The following MAGI2 variants were observed in gnomAD, a reference collection of about 807,000 sequenced individuals.
MAGI2 encodes the protein membrane associated guanylate kinase, WW and PDZ domain containing 2, also known as membrane-associated guanylate kinase, WW and PDZ domain-containing protein 2.
MAGI2 carries 35 observed loss-of-function variants against 133.3 expected under a neutral mutation model. That is an observed-to-expected ratio of 0.26 (90% CI 0.20 to 0.35). MAGI2 has a LOEUF of 0.35. Among genes scored for constraint, MAGI2 ranks in the 10% least tolerant of loss-of-function variants. MAGI2 has a pLI of 1.00. For synonymous variants in MAGI2, 729 were observed against 710.6 expected (o/e 1.03, Z -0.41); for missense variants, 1,636 against 1,863.4 (o/e 0.88, Z 2.25).
chr7:78,272,002 T>C (rs1469230158), intron 9 of MAGI2, among the ~76,000 whole-genome samples: 1 of 152,140 alleles, frequency 6.6e-6, no homozygotes, highest in South Asian at 2.1e-4. Context: ...AGTTTGTATG[T>C]TCTTGCTTCT....
At chr7:78,594,380 G>A (rs780418021) in intron 3 of MAGI2, among the ~76,000 whole-genome samples, 2 of 152,234 alleles carry the variant, frequency 1.3e-5, no homozygotes, top group Admixed American at 1.3e-4. Flanking sequence ...AGGCTGGAAT[G>A]TAACAAAAGC....
intron 1 of MAGI2, among the ~76,000 whole-genome samples, chr7:79,228,341 T>C (rs1831041128): frequency 9.3e-5 from 1 of 10,804 alleles, no homozygotes; most frequent in Non-Finnish European, 3.3e-4. Context: ...AGACCCTGTC[T>C]CAAAAAAACA....
chr7:78,747,247 C>T (rs199901580), intron 2 of MAGI2, among the ~76,000 whole-genome samples: 3 of 152,082 alleles, frequency 2.0e-5, no homozygotes, highest in South Asian at 2.1e-4. Context: ...TTAAATAATG[C>T]GGTTTTATAT....
At chr7:79,319,192 G>T (rs920593775) in intron 1 of MAGI2, among the ~76,000 whole-genome samples, 3 of 152,090 alleles carry the variant, frequency 2.0e-5, no homozygotes, top group Admixed American at 2.0e-4. Flanking sequence ...AGTTTGGGAT[G>T]TTTGCCACCA....
intron 2 of MAGI2, among the ~76,000 whole-genome samples, chr7:78,893,294 T>A (rs1264305457): frequency 5.9e-5 from 9 of 152,170 alleles, no homozygotes; most frequent in Non-Finnish European, 1.2e-4. Context: ...ACTGTAAACT[T>A]GTTCAGCCAT....
chr7:79,157,477 C>G (rs1375214579), intron 1 of MAGI2, among the ~76,000 whole-genome samples: 2 of 151,232 alleles, frequency 1.3e-5, no homozygotes, highest in African/African-American at 2.4e-5. Flanking sequence ...AATGGTGACA[C>G]ACTATGGAGT....
At chr7:79,330,212 T>TTA (rs71095396) in intron 1 of MAGI2, among the ~76,000 whole-genome samples, 1 of 115,210 alleles carries the variant, frequency 8.7e-6, no homozygotes, top group Non-Finnish European at 1.7e-5. Context: ...TTTTTTTTTT[T>TTA]AGAAGGAGTC....
chr7:79,430,461 T>C (rs1045113384), intron 1 of MAGI2, among the ~76,000 whole-genome samples: 14 of 152,200 alleles, frequency 9.2e-5, no homozygotes, highest in Non-Finnish European at 8.8e-5. Flanking sequence ...TACTTAGTAA[T>C]AGAGAAAAAA....
intron 6 of MAGI2, among the ~76,000 whole-genome samples, chr7:78,444,052 A>C (rs17352456): frequency 0.11 from 14,870 of 141,354 alleles, 759 homozygotes; most frequent in African/African-American, 0.15. Flanking sequence ...GGATGAAAAA[A>C]AATGGCCCAC....
At chr7:79,395,265 C>T (rs924343934) in intron 1 of MAGI2, among the ~76,000 whole-genome samples, 5 of 152,170 alleles carry the variant, frequency 3.3e-5, no homozygotes, top group South Asian at 2.1e-4. Flanking sequence ...AAACAGAAAC[C>T]ATGTAATTAT....
chr7:78,968,922 T>C (rs539792556), intron 2 of MAGI2, among the ~76,000 whole-genome samples: 1 of 152,178 alleles, frequency 6.6e-6, no homozygotes, highest in East Asian at 1.9e-4. Context: ...AGTAAAAGAA[T>C]CCTTGGTGGA....
At chr7:78,046,798 G>T (rs1435916061) in intron 21 of MAGI2, among the ~76,000 whole-genome samples, 1 of 152,096 alleles carries the variant, frequency 6.6e-6, no homozygotes, top group Admixed American at 6.5e-5. Context: ...AATTAAAAAA[G>T]ATAATGACTT....
intron 2 of MAGI2, among the ~76,000 whole-genome samples, chr7:78,768,482 T>C (rs1825247528): frequency 6.6e-6 from 1 of 152,206 alleles, no homozygotes; most frequent in South Asian, 2.1e-4. Context: ...GTCTTAGCTT[T>C]ATCAAAATTA....
chr7:78,526,336 G>C (rs4470960), intron 3 of MAGI2, among the ~76,000 whole-genome samples: 21,967 of 152,178 alleles, frequency 0.14, 2,514 homozygotes, highest in African/African-American at 0.32. Flanking sequence ...TTTCCATCCA[G>C]TCCTTTAAAA....
At chr7:78,955,710 T>C (rs1802251516) in intron 2 of MAGI2, among the ~76,000 whole-genome samples, 1 of 125,096 alleles carries the variant, frequency 8.0e-6, no homozygotes, top group South Asian at 2.7e-4. Flanking sequence ...CCTTTCTTTC[T>C]TTTTCTTTCT....
chr7:78,677,779 C>A (rs1015413323), intron 2 of MAGI2, among the ~76,000 whole-genome samples: 1 of 152,048 alleles, frequency 6.6e-6, no homozygotes, highest in East Asian at 1.9e-4. Flanking sequence ...AACAACATGG[C>A]GTCCAGTGAT....
chr7:78,902,220 C>T (rs1016716655), intron 2 of MAGI2, among the ~76,000 whole-genome samples: 5 of 152,214 alleles, frequency 3.3e-5, no homozygotes, highest in African/African-American at 1.2e-4. Context: ...GAGAGTTTTT[C>T]ACACTCAGAA....
intron 2 of MAGI2, among the ~76,000 whole-genome samples, chr7:78,688,956 A>G (rs1816668606): frequency 6.6e-6 from 1 of 152,226 alleles, no homozygotes; most frequent in South Asian, 2.1e-4. Flanking sequence ...ATAGTAGTCC[A>G]GGAAAGTTAA....
At position 78,847,363 on chromosome 7, in the gene MAGI2, C is replaced by A. The variant is rs149655848; in HGVS notation, c.418+159727G>T. Among the ~76,000 whole-genome samples, 4 of 151,850 alleles carry A rather than the reference C, an allele frequency of 2.6e-5. No homozygotes were observed. The East Asian group carries it at 5.8e-4, about 22-fold the overall frequency. ...ATAAACTAAAAAGGCTCGTGGCTTG[C>A]GAGGGGTACTAGTAAAATAAAAGTT... On this transcript the variant is annotated intron_variant, in intron 2 of 21. Transcript: ENST00000354212.
Sources: gnomAD v4.1 joint callset for allele counts (sites outside exome capture counted in the v4.1 genomes callset) on GRCh38, gnomAD v4.1.1 for gene constraint, MANE v1.5 for transcripts, NCBI Gene and HGNC (gene_info 2026-07-23, HGNC 2026-07-21) for gene names.